The following ZFHX3 variants were observed in gnomAD, a reference collection of about 807,000 sequenced individuals.
ZFHX3 encodes zinc finger homeobox 3.
In ZFHX3, 42 loss-of-function variants were observed where a neutral mutation model predicts 279.1. The ratio of observed to expected loss-of-function variants is 0.15; its 90% CI spans 0.12 to 0.19. The LOEUF is 0.19. ZFHX3 is among the 10% of genes least tolerant of loss of function. The pLI, the probability that ZFHX3 is intolerant of heterozygous loss-of-function variation, is 1.00. For missense variants in ZFHX3, 4,981 were observed against 4,754.0 expected, an observed-to-expected ratio of 1.05 and a Z score of -1.40; for synonymous variants, 2,293 against 1,957.8, an observed-to-expected ratio of 1.17 and a Z score of -4.52.
intron 8 of ZFHX3, among the ~76,000 whole-genome samples, chr16:73,076,511 ATG>A (rs1965887929): frequency 6.6e-6 from 1 of 152,202 alleles, no homozygotes; most frequent in African/African-American, 2.4e-5. Context: ...GTTTAGAATG[ATG>A]TCACAGTTAT....
chr16:73,258,338 C>CATAT (rs59013847), intron 4 of ZFHX3, among the ~76,000 whole-genome samples: 7,741 of 124,652 alleles, frequency 0.062, 433 homozygotes, highest in African/African-American at 0.14. Context: ...TTTGCTATGA[C>CATAT]ATATATATAT....
rs1347198575 is a variant in ZFHX3, at chr16:73,306,127, A to G, written c.-1194+12113T>C. Among the ~76,000 whole-genome samples the G allele has an allele frequency of 2.6e-5, 4 of 152,240 alleles. No homozygotes were observed. The East Asian group carries it at 7.7e-4, about 29-fold the overall frequency. On this transcript the variant is annotated intron_variant, in intron 4 of 17. Coordinates refer to the ZFHX3 transcript ENST00000641206. ...TCTACCAAGTTTCTACTGCGTACCTACTGTTCTACTGCGTACCTACTGTTC... is the reference window on the plus strand; with the variant it reads ...TCTACCAAGTTTCTACTGCGTACCTGCTGTTCTACTGCGTACCTACTGTTC...
intron 4 of ZFHX3, among the ~76,000 whole-genome samples, chr16:72,850,428 TGAAATACACATAG>T (rs770931893): frequency 5.3e-5 from 8 of 152,244 alleles, no homozygotes; most frequent in Non-Finnish European, 1.2e-4. Context: ...TCATGTGTGT[TGAAATACACATAG>T]TCAATCATTT....
At chr16:73,306,000 G>A (rs536452504) in intron 4 of ZFHX3, among the ~76,000 whole-genome samples, 14 of 152,254 alleles carry the variant, frequency 9.2e-5, no homozygotes, top group East Asian at 5.8e-4. Context: ...CTTCAAATGC[G>A]GATTCTGGCT....
At chr16:72,818,115 C>T (rs1487717824) in intron 5 of ZFHX3, among the ~76,000 whole-genome samples, 5 of 152,202 alleles carry the variant, frequency 3.3e-5, no homozygotes, top group Non-Finnish European at 7.3e-5. Context: ...TACTTAATGT[C>T]TGAGTTGGGA....
Position 72,795,609 on chromosome 16 carries a change from T to A in ZFHX3, c.7073A>T (p.Glu2358Val). 1.2e-6 allele frequency: 2 copies of A among 1,613,676 alleles called. No individual in the cohort carries two copies. Among genetic ancestry groups the A allele is most frequent in the Non-Finnish European group, 1.7e-6 (2 of 1,179,848 alleles). ...CTCATTTTGGCTGTCGTCCTGCCCC[T>A]CCTCATCCTCATCCTTGTAACACAG... Reference protein sequence around the residue: ...KKLCYKDEDEEGQDDSQNEDS... With the variant: ...KKLCYKDEDEVGQDDSQNEDS... Residue 2358 changes from glutamate to valine, a missense_variant, in exon 9 of 10, where the codon GAG (glutamate) becomes GTG (valine). Physicochemically the swap from Glu to Val is moderately radical, Grantham distance 121 (BLOSUM62 -2). This residue lies in a region of ZFHX3 where 744 missense variants were observed against 701.3 expected (regional missense o/e 1.06). Coordinates refer to ENST00000268489, the MANE Select transcript of ZFHX3 (RefSeq NM_006885.4).
Position 72,950,997 on chromosome 16 carries a change from C to A in ZFHX3, c.2720-32G>T, listed in dbSNP as rs750052278. On this transcript the variant is annotated intron_variant, in intron 2 of 9. Transcript: ENST00000268489. ...GGAAGGAGAGAAGGAGAGAGTCAGA[C>A]ACCAGGCTCATGGTCACGGCCACAG... 7 of 1,593,022 alleles carry A rather than the reference C, an allele frequency of 4.4e-6. No homozygotes were observed. The Admixed American group carries it at 1.2e-4, about 27-fold the overall frequency.
At chr16:73,692,485 A>G (rs1052267715) in intron 1 of ZFHX3, among the ~76,000 whole-genome samples, 1 of 152,222 alleles carries the variant, frequency 6.6e-6, no homozygotes, top group Non-Finnish European at 1.5e-5. Flanking sequence ...GGAGGGAATT[A>G]AAGGAAGAAT....
chr16:73,628,915 A>G (rs1196308650), intron 2 of ZFHX3, among the ~76,000 whole-genome samples: 1 of 152,096 alleles, frequency 6.6e-6, no homozygotes, highest in Non-Finnish European at 1.5e-5. Flanking sequence ...AGTCCTGCAG[A>G]TATATGAATG....
chr16:73,789,293 G>T (rs1405276124), intron 1 of ZFHX3, among the ~76,000 whole-genome samples: 2 of 151,882 alleles, frequency 1.3e-5, no homozygotes, highest in Non-Finnish European at 2.9e-5. Flanking sequence ...CGATTCTCCT[G>T]CCTCAGCCTC....
intron 1 of ZFHX3, among the ~76,000 whole-genome samples, chr16:73,030,404 C>G (rs1453437366): frequency 6.6e-6 from 1 of 152,150 alleles, no homozygotes; most frequent in Non-Finnish European, 1.5e-5. Flanking sequence ...GAGAGCAGAC[C>G]ACAAAAAGGT....
At chr16:72,838,998 T>C (rs183268713) in intron 4 of ZFHX3, among the ~76,000 whole-genome samples, 1 of 152,066 alleles carries the variant, frequency 6.6e-6, no homozygotes, top group Admixed American at 6.6e-5. Context: ...GTAAGAAAGC[T>C]AGCTATGTCC....
intron 3 of ZFHX3, among the ~76,000 whole-genome samples, chr16:73,366,690 G>A (rs998190934): frequency 4.6e-5 from 7 of 151,804 alleles, no homozygotes; most frequent in Admixed American, 6.6e-5. Flanking sequence ...ACGTGATATT[G>A]TTGGCAAAAG....
At chr16:73,168,264 T>TTTCTTTCTTTCA (rs1967437490) in intron 5 of ZFHX3, among the ~76,000 whole-genome samples, 1 of 150,350 alleles carries the variant, frequency 6.7e-6, no homozygotes, top group Non-Finnish European at 1.5e-5. Flanking sequence ...TCTTTCTTTC[T>TTTCTTTCTTTCA]TTCTTTCTTT....
chr16:73,640,818 CA>C (rs1402595822), intron 2 of ZFHX3, among the ~76,000 whole-genome samples: 1 of 152,086 alleles, frequency 6.6e-6, no homozygotes, highest in Non-Finnish European at 1.5e-5. Flanking sequence ...CTAAGAGACA[CA>C]AAAACTTCAG....
At chr16:73,599,948 G>A (rs1326652798) in intron 2 of ZFHX3, among the ~76,000 whole-genome samples, 1 of 152,162 alleles carries the variant, frequency 6.6e-6, no homozygotes, top group East Asian at 1.9e-4. Context: ...TCAGCCTAAA[G>A]CTATTGATGA....
chr16:73,588,885 C>G (rs2051957670), intron 2 of ZFHX3, among the ~76,000 whole-genome samples: 1 of 151,848 alleles, frequency 6.6e-6, no homozygotes, highest in Non-Finnish European at 1.5e-5. Context: ...GAGGTCTAGA[C>G]AGAGACAGAG....
chr16:73,392,418 C>CAAAAAAAAAAAAAAAAAAAAA (rs35019692), intron 3 of ZFHX3, among the ~76,000 whole-genome samples: 2 of 35,782 alleles, frequency 5.6e-5, no homozygotes, highest in Non-Finnish European at 9.7e-5. Context: ...GACCCTGTCT[C>CAAAAAAAAAAAAAAAAAAAAA]AAAAAAAAAA....
chr16:72,829,663 A>G (rs548905611), intron 5 of ZFHX3, 116 bp downstream of exon 5: 1 of 1,134,658 alleles, frequency 8.8e-7, no homozygotes, highest in East Asian at 2.4e-5. Flanking sequence ...TTCTGGGCAG[A>G]CTAAGGATGT....
Sources: gnomAD v4.1 joint callset for allele counts (sites outside exome capture counted in the v4.1 genomes callset) on GRCh38, gnomAD v4.1.1 for gene constraint, gnomAD v4.1.1 regional missense constraint, MANE v1.5 for transcripts, NCBI Gene and HGNC (gene_info 2026-07-23, HGNC 2026-07-21) for gene names.